Variants in OPRM1 observed in about 807,000 individuals in gnomAD.
OPRM1 encodes the protein opioid receptor mu 1.
Under a neutral mutation model 31.8 loss-of-function variants are expected in OPRM1, and 27 were observed. The observed-to-expected ratio is 0.85, with a 90% CI of 0.63 to 1.17. The LOEUF is 1.17. OPRM1 is among the 50% of genes most tolerant of loss of function. OPRM1 has a pLI of 0.00. For missense variants in OPRM1, 536 were observed against 511.1 expected (o/e 1.05, Z -0.47); for synonymous variants, 196 against 189.9 (o/e 1.03, Z -0.26).
chr6:154,027,193 G>A (rs1050092095), intron 1 of OPRM1, among the ~76,000 whole-genome samples: 2 of 152,180 alleles, frequency 1.3e-5, no homozygotes, highest in African/African-American at 4.8e-5. Flanking sequence ...TAATGCTGTG[G>A]TTCTTGCACA....
intron 3 of OPRM1, among the ~76,000 whole-genome samples, chr6:154,170,564 T>C (rs1343655599): frequency 6.6e-6 from 1 of 152,232 alleles, no homozygotes; most frequent in Non-Finnish European, 1.5e-5. Context: ...CAACCTCCTT[T>C]TTCTCTACCA....
Position 154,122,433 on chromosome 6 carries a change from T to C in OPRM1, c.*3712T>C, listed in dbSNP as rs1164810685. Among the ~76,000 whole-genome samples, 1 of 152,174 alleles carries C rather than the reference T, an allele frequency of 6.6e-6. No individual in the cohort carries two copies. Among genetic ancestry groups the C allele is most frequent in the East Asian group, 1.9e-4 (1 of 5,202 alleles). ...TCTAACCACTGTGTTTCCCCCAGTTTGATATGGTTCAGGATACATAGTCAT... is the reference window on the plus strand; with the variant it reads ...TCTAACCACTGTGTTTCCCCCAGTTCGATATGGTTCAGGATACATAGTCAT... On this transcript the variant is annotated 3_prime_UTR_variant, in exon 4 of 4. Coordinates refer to ENST00000330432, the MANE Select transcript of OPRM1 (RefSeq NM_000914.5).
chr6:154,041,836 T>C (rs1300236383), intron 1 of OPRM1, among the ~76,000 whole-genome samples: 2 of 152,194 alleles, frequency 1.3e-5, no homozygotes, highest in East Asian at 3.8e-4. Flanking sequence ...TTTATTCCCT[T>C]TTATTGCTTC....
chr6:154,060,410 A>T (rs1784160009), intron 1 of OPRM1, among the ~76,000 whole-genome samples: 1 of 152,096 alleles, frequency 6.6e-6, no homozygotes, highest in South Asian at 2.1e-4. Context: ...CTTATCTGTA[A>T]CTCTTTCTTT....
intron 3 of OPRM1, among the ~76,000 whole-genome samples, chr6:154,193,529 C>A (rs1022279354): frequency 6.6e-6 from 1 of 152,084 alleles, no homozygotes; most frequent in Non-Finnish European, 1.5e-5. Flanking sequence ...AATAAAAATA[C>A]GCATCTATCT....
chr6:154,243,935 C>T (rs913214068), intron 3 of OPRM1, among the ~76,000 whole-genome samples: 1 of 152,132 alleles, frequency 6.6e-6, no homozygotes, highest in African/African-American at 2.4e-5. Context: ...AATCACCTAC[C>T]TTGGCCTAGA....
chr6:154,130,742 TA>T lies in OPRM1; in HGVS notation c.*12022del, dbSNP rs1473110062. Among the ~76,000 whole-genome samples the T allele has an allele frequency of 4.6e-5, 7 of 151,884 alleles. No individual in the cohort carries two copies. The highest frequency in any genetic ancestry group is 8.8e-5 in the Non-Finnish European group (6 of 67,962). On this transcript the variant is annotated 3_prime_UTR_variant, in exon 4 of 4. Transcript: ENST00000330432. ...TATATCTACCAATATAAATAGAATA[TA>T]TAAAGGGAATATATATATACCAATA... is the stretch of plus-strand genomic sequence containing the variant.
chr6:154,244,051 A>T (rs1447807635), intron 3 of OPRM1, among the ~76,000 whole-genome samples: 1 of 151,546 alleles, frequency 6.6e-6, no homozygotes, highest in Non-Finnish European at 1.5e-5. Context: ...TTGTAACCCA[A>T]GGTAGAATTA....
chr6:154,050,835 A>G (rs935599371), intron 1 of OPRM1, among the ~76,000 whole-genome samples: 19 of 152,294 alleles, frequency 1.2e-4, no homozygotes, highest in African/African-American at 4.6e-4. Flanking sequence ...TGTTTATTTC[A>G]CATTGTCTGC....
Position 154,130,878 on chromosome 6 carries a change from C to A in OPRM1, c.*12157C>A, listed in dbSNP as rs1797858628. On this transcript the variant is annotated 3_prime_UTR_variant, in exon 4 of 4. Transcript: ENST00000330432. ...TTCCCCTGGCAATACATTTCCTGAA[C>A]TTTTACATACTTAAATAGCCAGTTA... Among the ~76,000 whole-genome samples, 1 of 151,952 alleles carries A rather than the reference C, an allele frequency of 6.6e-6. No individual in the cohort carries two copies. Among genetic ancestry groups the A allele is most frequent in the African/African-American group, 2.4e-5 (1 of 41,370 alleles).
chr6:154,010,546 G>A (rs1454907521), exon 1 of OPRM1: 13 of 1,546,448 alleles, frequency 8.4e-6, no homozygotes, highest in African/African-American at 1.4e-5. Flanking sequence ...CACCAAAGCT[G>A]GGAAGCCCTC....
At chr6:154,161,915 T>G (rs1168945723) in intron 3 of OPRM1, among the ~76,000 whole-genome samples, 2 of 152,194 alleles carry the variant, frequency 1.3e-5, no homozygotes, top group African/African-American at 4.8e-5. Context: ...TTCACATCCT[T>G]TTTCTGGCAG....
intron 3 of OPRM1, among the ~76,000 whole-genome samples, chr6:154,241,346 C>T (rs1321168791): frequency 6.6e-6 from 1 of 151,524 alleles, no homozygotes; most frequent in Non-Finnish European, 1.5e-5. Flanking sequence ...TGCAATGGCA[C>T]ACATGGTGTC....
intron 3 of OPRM1, among the ~76,000 whole-genome samples, chr6:154,202,249 T>TA (rs567418627): frequency 1.6e-4 from 24 of 152,116 alleles, no homozygotes; most frequent in African/African-American, 2.4e-4. Context: ...GGCACGTACA[T>TA]AAAAAAAATC....
At chr6:154,066,037 T>A (rs1785329444) in intron 1 of OPRM1, among the ~76,000 whole-genome samples, 1 of 152,204 alleles carries the variant, frequency 6.6e-6, no homozygotes, top group African/African-American at 2.4e-5. Context: ...ATGTGGTTTA[T>A]TTTCTTCGTT....
rs1022120206 is a variant in OPRM1, at chr6:154,122,709, A to T, written c.*3988A>T. On this transcript the variant is annotated 3_prime_UTR_variant, in exon 4 of 4. Coordinates refer to ENST00000330432, the MANE Select transcript of OPRM1 (RefSeq NM_000914.5). ...AGCTTTGTGAGCTGCAGTGTGTGGCAAATGTTCAACCTTTTGTTATGCAAT... is the reference window on the plus strand; with the variant it reads ...AGCTTTGTGAGCTGCAGTGTGTGGCTAATGTTCAACCTTTTGTTATGCAAT... Among the ~76,000 whole-genome samples the T allele has an allele frequency of 1.3e-5, 2 of 152,224 alleles. No individual in the cohort carries two copies. Among genetic ancestry groups the T allele is most frequent in the Non-Finnish European group, 2.9e-5 (2 of 68,032 alleles).
chr6:154,212,463 A>T (rs929545485), intron 3 of OPRM1, among the ~76,000 whole-genome samples: 1 of 152,222 alleles, frequency 6.6e-6, no homozygotes, highest in African/African-American at 2.4e-5. Flanking sequence ...GTAGAACATA[A>T]ATAAACACTG....
At chr6:154,106,909 G>A (rs574183790) in intron 3 of OPRM1, among the ~76,000 whole-genome samples, 4 of 152,200 alleles carry the variant, frequency 2.6e-5, no homozygotes, top group South Asian at 4.1e-4. Flanking sequence ...TTTTTAAGAT[G>A]TTTTATTTTA....
intron 1 of OPRM1, among the ~76,000 whole-genome samples, chr6:154,047,820 C>T (rs1004550388): frequency 6.6e-6 from 1 of 152,120 alleles, no homozygotes; most frequent in African/African-American, 2.4e-5. Flanking sequence ...AGTACCATAG[C>T]CTGGGTGGCT....
Sources: allele counts gnomAD v4.1 joint callset (sites outside exome capture counted in the v4.1 genomes callset), GRCh38; gene constraint gnomAD v4.1.1; transcripts MANE v1.5; gene names NCBI Gene and HGNC (gene_info 2026-07-23, HGNC 2026-07-21).